Variants in TCERG1L observed in about 807,000 individuals in gnomAD.
TCERG1L encodes transcription elongation regulator 1 like, also known as transcription elongation regulator 1-like protein.
TCERG1L carries 37 observed loss-of-function variants against 56.3 expected under a neutral mutation model. That is an observed-to-expected ratio of 0.66 (90% CI 0.51 to 0.87). TCERG1L has a LOEUF of 0.87. TCERG1L is among the 40% of genes least tolerant of loss of function. TCERG1L has a pLI of 0.00. For missense variants in TCERG1L, 799 were observed against 774.2 expected, an observed-to-expected ratio of 1.03 and a Z score of -0.38; for synonymous variants, 324 against 326.3, an observed-to-expected ratio of 0.99 and a Z score of 0.08.
chr10:131,117,076 T>G lies in TCERG1L; in HGVS notation c.1260-142A>C, dbSNP rs1046101433. The G allele has an allele frequency of 8.5e-6, 10 of 1,170,220 alleles. No individual in the cohort carries two copies. The Admixed American group carries it at 1.6e-4, about 19-fold the overall frequency. 72.5% of individuals were successfully genotyped at this position (1,170,220 alleles called of 1,614,324 possible). The stretch of plus-strand genomic sequence containing the variant: ...ACTCTTTATAAAGCCTGAGGCGGTC[T>G]CCCTCGCAAAGATGGCACATTTGCT... On this transcript the variant is annotated intron_variant, in intron 8 of 11. Coordinates refer to ENST00000368642, the MANE Select transcript of TCERG1L (RefSeq NM_174937.4).
At chr10:131,097,218 A>G (rs1407333788) in intron 11 of TCERG1L, among the ~76,000 whole-genome samples, 16 of 151,496 alleles carry the variant, frequency 1.1e-4, no homozygotes, top group African/African-American at 3.2e-4. Flanking sequence ...AAAAAAAAAA[A>G]AAAAGAAACA....
At chr10:131,285,558 GAAA>G (rs1846529568) in intron 3 of TCERG1L, among the ~76,000 whole-genome samples, 1 of 137,950 alleles carries the variant, frequency 7.2e-6, no homozygotes, top group Non-Finnish European at 1.6e-5. Flanking sequence ...AAGGAAGGAA[GAAA>G]GAAAAAGAAA....
chr10:131,166,649 C>T (rs540714080), intron 5 of TCERG1L, 148 bp downstream of exon 5: 3 of 783,734 alleles, frequency 3.8e-6, no homozygotes, highest in Non-Finnish European at 6.1e-6. Context: ...CGCCTGGCCC[C>T]TTCAGTGCCA....
At chr10:131,237,159 C>T (rs928530229) in intron 4 of TCERG1L, among the ~76,000 whole-genome samples, 1 of 152,028 alleles carries the variant, frequency 6.6e-6, no homozygotes, top group African/African-American at 2.4e-5. Flanking sequence ...TGGGCCATTC[C>T]CTCTGCTGGA....
At chr10:131,212,958 T>G (rs1039406894) in intron 4 of TCERG1L, among the ~76,000 whole-genome samples, 3 of 152,222 alleles carry the variant, frequency 2.0e-5, no homozygotes, top group Non-Finnish European at 4.4e-5. Context: ...CTCCCACAGC[T>G]GCGGATTGAC....
chr10:131,117,700 C>T (rs1362369684), intron 8 of TCERG1L, among the ~76,000 whole-genome samples: 2 of 152,180 alleles, frequency 1.3e-5, no homozygotes, highest in African/African-American at 4.8e-5. Flanking sequence ...CCCTTCCGAA[C>T]CACACGGGCA....
chr10:131,100,898 T>C (rs561402684), intron 10 of TCERG1L, among the ~76,000 whole-genome samples: 30 of 152,304 alleles, frequency 2.0e-4, no homozygotes, highest in African/African-American at 6.5e-4. Flanking sequence ...TTTGATGAGG[T>C]TGCAGGCACT....
chr10:131,270,143 C>G lies in TCERG1L; in HGVS notation c.671-9699G>C, dbSNP rs1253222361. ...CCCCACAGTCAGACATTTATGAAGC[C>G]AGATGGCACCTGGCTCTGGGACTGG... On this transcript the variant is annotated intron_variant, in intron 3 of 11. Transcript: ENST00000368642. Among the ~76,000 whole-genome samples the G allele has an allele frequency of 2.6e-5, 4 of 152,310 alleles. No individual in the cohort carries two copies. The East Asian group carries it at 5.8e-4, about 22-fold the overall frequency.
intron 8 of TCERG1L, among the ~76,000 whole-genome samples, chr10:131,125,110 T>C (rs990377651): frequency 2.0e-5 from 3 of 152,182 alleles, no homozygotes; most frequent in Admixed American, 6.5e-5. Flanking sequence ...ATGACAATGA[T>C]GGTGATGGTG....
intron 7 of TCERG1L, 128 bp downstream of exon 7, chr10:131,146,378 G>T: frequency 9.3e-7 from 1 of 1,069,980 alleles, no homozygotes; most frequent in Non-Finnish European, 1.3e-6. Context: ...CTCTGCAATC[G>T]GGCACAGGAT....
chr10:131,286,782 A>C (rs1798222181), intron 3 of TCERG1L, among the ~76,000 whole-genome samples: 1 of 152,196 alleles, frequency 6.6e-6, no homozygotes, highest in Non-Finnish European at 1.5e-5. Context: ...TGAATTATCT[A>C]TAAACTATAC....
intron 6 of TCERG1L, among the ~76,000 whole-genome samples, chr10:131,154,627 C>T (rs1413623772): frequency 2.0e-5 from 3 of 152,174 alleles, no homozygotes; most frequent in African/African-American, 4.8e-5. Context: ...ACTGAGTGGC[C>T]CAGGCCCATC....
intron 4 of TCERG1L, among the ~76,000 whole-genome samples, chr10:131,176,697 C>CA (rs1472595058): frequency 6.8e-6 from 1 of 147,664 alleles, no homozygotes; most frequent in Non-Finnish European, 1.5e-5. Flanking sequence ...CATGCACACA[C>CA]AGACACGTGT....
At chr10:131,125,718 A>G (rs1331931379) in intron 8 of TCERG1L, among the ~76,000 whole-genome samples, 1 of 152,146 alleles carries the variant, frequency 6.6e-6, no homozygotes, top group East Asian at 1.9e-4. Flanking sequence ...GCTCACGTGG[A>G]TGGTCAGGAT....
intron 4 of TCERG1L, among the ~76,000 whole-genome samples, chr10:131,198,719 C>G (rs1362825695): frequency 6.6e-6 from 1 of 152,298 alleles, no homozygotes; most frequent in East Asian, 1.9e-4. Flanking sequence ...TGTGGGGAGC[C>G]CTGCTCTCAT....
chr10:131,185,202 G>A (rs936306619), intron 4 of TCERG1L, among the ~76,000 whole-genome samples: 28 of 152,078 alleles, frequency 1.8e-4, no homozygotes. Flanking sequence ...GAATATAAAT[G>A]CATATGGATA....
chr10:131,147,673 G>A (rs1026756731), intron 6 of TCERG1L, among the ~76,000 whole-genome samples: 2 of 152,254 alleles, frequency 1.3e-5, no homozygotes, highest in South Asian at 2.1e-4. Flanking sequence ...CTCTGGCTCC[G>A]CAAGTCTCCT....
chr10:131,189,067 T>C (rs1257958789), intron 4 of TCERG1L, among the ~76,000 whole-genome samples: 1 of 152,230 alleles, frequency 6.6e-6, no homozygotes, highest in East Asian at 1.9e-4. Context: ...ATTCACTGTG[T>C]GGATAGATTA....
chr10:131,102,670 C>T (rs888402994), intron 10 of TCERG1L, among the ~76,000 whole-genome samples: 3 of 152,122 alleles, frequency 2.0e-5, no homozygotes, highest in African/African-American at 4.8e-5. Flanking sequence ...GATAGCTCCC[C>T]TTCCACGTGC....
Sources: allele counts gnomAD v4.1 joint callset (sites outside exome capture counted in the v4.1 genomes callset), GRCh38; gene constraint gnomAD v4.1.1; transcripts MANE v1.5; gene names NCBI Gene and HGNC (gene_info 2026-07-23, HGNC 2026-07-21).